The following SYNPO2 variants were observed in gnomAD, a reference collection of about 807,000 sequenced individuals.
SYNPO2 encodes synaptopodin-2.
A neutral mutation model predicts 85.0 loss-of-function variants in SYNPO2; 56 were observed. The ratio of observed to expected loss-of-function variants is 0.66; its 90% confidence interval spans 0.53 to 0.82. The LOEUF (loss-of-function observed/expected upper bound fraction) is 0.82. Among genes scored for constraint, SYNPO2 ranks in the 40% least tolerant of loss-of-function variants. SYNPO2 has a pLI of 0.00. For synonymous variants in SYNPO2, 602 were observed against 591.1 expected (o/e 1.02, Z -0.27); for missense variants, 1,575 against 1,534.2 (o/e 1.03, Z -0.44).
At position 119,030,364 on chromosome 4, in the gene SYNPO2, T is replaced by C. The variant is rs749068151; in HGVS notation, c.1589T>C (p.Leu530Pro). The change falls in exon 4 of 5, where the codon CTG (leucine) becomes CCG (proline). Residue 530 changes from leucine (L) to proline (P), a missense_variant. Physicochemically the swap from Leu to Pro is moderately conservative, Grantham distance 98 (BLOSUM62 -3). Around this residue, in one of 3 missense-constraint regions of SYNPO2, gnomAD observed 1,508 missense variants for 1,446.8 expected, o/e 1.04. Coordinates refer to ENST00000307142, the MANE Select transcript of SYNPO2 (RefSeq NM_133477.3). ...CAAGATGCTGCCCAGACCGATGGCC[T>C]GAGAACCACGACTTCTTACCAAAGA... ...REQDAAQTDG[L>P]RTTTSYQRKE... The C allele has an allele frequency of 1.2e-6, 2 of 1,614,036 alleles. No homozygotes were observed. Among genetic ancestry groups the C allele is most frequent in the South Asian group, 1.1e-5 (1 of 91,066 alleles).
intron 1 of SYNPO2, among the ~76,000 whole-genome samples, chr4:118,898,661 A>C (rs962634075): frequency 2.6e-5 from 4 of 152,220 alleles, no homozygotes; most frequent in African/African-American, 9.6e-5. Flanking sequence ...TGGCAAAACC[A>C]GGACAGAAGC....
chr4:119,031,107 C>T lies in SYNPO2; in HGVS notation c.2332C>T (p.Pro778Ser), dbSNP rs756919263. Residue 778 changes from proline to serine, a missense_variant, in exon 4 of 5, where the codon CCA (proline) becomes TCA (serine). Coordinates refer to ENST00000307142, the MANE Select transcript of SYNPO2 (RefSeq NM_133477.3). ...CTCCCAACCAGTAACTCCAGTTTCC[C>T]CAGTCTGGTCTCCAGGAGTGGCTCC... ...SSSQPVTPVS[P>S]VWSPGVAPTQ... is the part of the protein sequence containing the mutation. 1.9e-6 allele frequency: 3 copies of T among 1,614,110 alleles called. No homozygotes were observed. The highest frequency in any genetic ancestry group is 2.5e-6 in the Non-Finnish European group (3 of 1,180,016).
chr4:119,017,323 T>C (rs1444967814), intron 1 of SYNPO2, among the ~76,000 whole-genome samples: 1 of 152,186 alleles, frequency 6.6e-6, no homozygotes, highest in African/African-American at 2.4e-5. Context: ...TCTTAGCTAC[T>C]ATCATCTTGC....
At chr4:118,986,750 G>A (rs1460802018) in intron 1 of SYNPO2, among the ~76,000 whole-genome samples, 1 of 152,112 alleles carries the variant, frequency 6.6e-6, no homozygotes, top group African/African-American at 2.4e-5. Flanking sequence ...CTTCCACATT[G>A]TTCCATCCTC....
intron 1 of SYNPO2, among the ~76,000 whole-genome samples, chr4:118,900,689 CTCTCTCTCTCTCTCTATATATATA>C (rs1344969691): frequency 3.9e-4 from 21 of 54,082 alleles, no homozygotes; most frequent in African/African-American, 1.2e-3. Flanking sequence ...CTCTCTCTCT[CTCTCTCTCTCTCTCTATATATATA>C]TATATATATA....
At chr4:119,046,339 T>C (rs1738866889) in intron 4 of SYNPO2, among the ~76,000 whole-genome samples, 1 of 152,042 alleles carries the variant, frequency 6.6e-6, no homozygotes, top group Non-Finnish European at 1.5e-5. Flanking sequence ...AATCAAGAAG[T>C]GTATATTTTG....
chr4:118,881,950 C>T (rs780087596), intron 1 of SYNPO2, among the ~76,000 whole-genome samples: 2 of 152,178 alleles, frequency 1.3e-5, no homozygotes, highest in Non-Finnish European at 2.9e-5. Flanking sequence ...CAGAGAGTTG[C>T]GTAACTATTA....
chr4:119,058,090 G>T lies in SYNPO2; in HGVS notation c.*156G>T, dbSNP rs1739274692. 4 of 664,464 alleles carry T rather than the reference G, an allele frequency of 6.0e-6. No homozygotes were observed. The highest frequency in any genetic ancestry group is 3.1e-5 in the Admixed American group (1 of 32,068). The allele number at this position is 664,464 out of a possible 1,614,324, so 41.2% of individuals were successfully genotyped here. On this transcript the variant is annotated 3_prime_UTR_variant, in exon 5 of 5. Coordinates refer to ENST00000307142, the MANE Select transcript of SYNPO2 (RefSeq NM_133477.3). Reference sequence around the variant, plus strand: ...AGTTTGTGTTTCTGTGTGTGTGTGTGTGTGTGTATGTATGTGAATATACAC... The same window carrying T: ...AGTTTGTGTTTCTGTGTGTGTGTGTTTGTGTGTATGTATGTGAATATACAC...
At chr4:118,996,963 G>A (rs540713886) in intron 1 of SYNPO2, among the ~76,000 whole-genome samples, 7 of 149,876 alleles carry the variant, frequency 4.7e-5, no homozygotes, top group Middle Eastern at 3.6e-3. Context: ...AAAAAAGGCC[G>A]GGCGCGGTGG....
rs1298263934 is a variant in SYNPO2 at position 119,030,805 on chromosome 4, C to T, written c.2030C>T (p.Pro677Leu). 1 of 1,614,092 alleles carries T rather than the reference C, an allele frequency of 6.2e-7. No individual in the cohort carries two copies. ...IASRDERISV[P>L]AKRTGILQEA... ...TCCCGAGATGAGAGGATCTCAGTGCCAGCAAAAAGAACAGGAATATTGCAG... is the reference window on the plus strand; with the variant it reads ...TCCCGAGATGAGAGGATCTCAGTGCTAGCAAAAAGAACAGGAATATTGCAG... Residue 677 changes from proline (P) to leucine (L), a missense_variant, in exon 4 of 5, where the codon CCA becomes CTA. By Grantham distance (98) the Pro-to-Leu change is moderately conservative (BLOSUM62 -3). Around this residue, in one of 3 missense-constraint regions of SYNPO2, gnomAD observed 1,508 missense variants for 1,446.8 expected, o/e 1.04. Coordinates refer to ENST00000307142, the MANE Select transcript of SYNPO2 (RefSeq NM_133477.3).
At chr4:119,005,224 T>G (rs569751901) in intron 1 of SYNPO2, among the ~76,000 whole-genome samples, 75 of 152,336 alleles carry the variant, frequency 4.9e-4, no homozygotes, top group African/African-American at 1.4e-3. Flanking sequence ...AGAAGCTCTT[T>G]AGTTTAATTA....
rs1244813267 is a variant in SYNPO2, at chr4:119,059,230, T to TG, written c.*1297dup. 6.6e-6 allele frequency: 1 copy of TG among 152,214 alleles called. No homozygotes were observed. 9.4% of individuals were successfully genotyped at this position (152,214 alleles called of 1,614,324 possible). A position where few individuals can be genotyped will look rare whatever the true frequency, so the allele number is the denominator to read the frequency against. ...ACGTGTTACATGGAGTGAGGGTAGA[T>TG]GTGAAGATTTAAAACGATTGATGGA... On this transcript the variant is annotated 3_prime_UTR_variant, in exon 5 of 5. Transcript: ENST00000307142.
chr4:118,978,285 G>T (rs928699912), intron 1 of SYNPO2, among the ~76,000 whole-genome samples: 28 of 152,278 alleles, frequency 1.8e-4, no homozygotes, highest in African/African-American at 6.0e-4. Context: ...TGCAGTTGCT[G>T]ATTGATTGAA....
intron 1 of SYNPO2, among the ~76,000 whole-genome samples, chr4:118,923,387 C>T (rs565217418): frequency 1.2e-3 from 180 of 152,024 alleles, no homozygotes; most frequent in Admixed American, 2.6e-3. Flanking sequence ...ACACCAGGGC[C>T]TATTTGAGGA....
intron 4 of SYNPO2, among the ~76,000 whole-genome samples, chr4:119,056,857 T>G (rs1472910157): frequency 6.6e-6 from 1 of 152,176 alleles, no homozygotes; most frequent in African/African-American, 2.4e-5. Context: ...TCTGGTTTGT[T>G]TTTGCTATAT....
At chr4:119,032,231 T>C (rs1222931924) in intron 4 of SYNPO2, 2 of 1,433,250 alleles carry the variant, frequency 1.4e-6, no homozygotes, top group East Asian at 5.0e-5. Context: ...CCAACTCAGA[T>C]TGACCTAAAA....
chr4:118,871,995 T>C (rs182123201), intron 1 of SYNPO2, among the ~76,000 whole-genome samples: 97 of 152,348 alleles, frequency 6.4e-4, no homozygotes, highest in Non-Finnish European at 1.2e-3. Flanking sequence ...GTGAAACAAA[T>C]GTAGCAATTT....
chr4:118,942,608 C>T (rs148211895), intron 1 of SYNPO2, among the ~76,000 whole-genome samples: 1 of 152,038 alleles, frequency 6.6e-6, no homozygotes, highest in Admixed American at 6.5e-5. Flanking sequence ...ACTTAAAACC[C>T]TATAAAGAGA....
intron 1 of SYNPO2, among the ~76,000 whole-genome samples, chr4:119,007,255 T>TATATAC (rs1737096386): frequency 2.3e-5 from 1 of 43,704 alleles, no homozygotes; most frequent in Non-Finnish European, 4.5e-5. Context: ...TGTATATACA[T>TATATAC]ATATATATAT....
Sources: allele counts gnomAD v4.1 joint callset (sites outside exome capture counted in the v4.1 genomes callset), GRCh38; gene constraint gnomAD v4.1.1; regional missense constraint gnomAD v4.1.1; transcripts MANE v1.5; gene names NCBI Gene and HGNC (gene_info 2026-07-23, HGNC 2026-07-21).